Variants in UBE2E3 observed in about 807,000 individuals in gnomAD.
The protein encoded by UBE2E3 is ubiquitin conjugating enzyme E2 E3.
In UBE2E3, 5 loss-of-function variants were observed where a neutral mutation model predicts 23.6. The observed-to-expected ratio is 0.21, with a 90% CI of 0.11 to 0.44. The LOEUF is 0.44. Ranked by LOEUF, UBE2E3 falls within the 20% of genes least tolerant of loss-of-function variation. UBE2E3 has a pLI of 0.99. For synonymous variants in UBE2E3, 78 were observed against 87.5 expected (o/e 0.89, Z 0.60); for missense variants, 81 against 249.8 (o/e 0.32, Z 4.55).
chr2:181,030,207 G>T (rs558570044), intron 3 of UBE2E3, among the ~76,000 whole-genome samples: 46 of 151,942 alleles, frequency 3.0e-4, no homozygotes, highest in Admixed American at 4.6e-4. Flanking sequence ...TCTTCATTGG[G>T]CATTAAATTT....
intron 3 of UBE2E3, among the ~76,000 whole-genome samples, chr2:181,055,364 G>C (rs1483131193): frequency 6.6e-6 from 1 of 151,666 alleles, no homozygotes; most frequent in Non-Finnish European, 1.5e-5. Flanking sequence ...AGAGAGTGTC[G>C]GTCAGTTGCT....
chr2:180,982,948 G>A (rs947494238), intron 2 of UBE2E3, among the ~76,000 whole-genome samples: 5 of 152,044 alleles, frequency 3.3e-5, no homozygotes, highest in Admixed American at 3.3e-4. Flanking sequence ...CTCAACAGCA[G>A]GAGAAACATA....
chr2:181,026,454 A>G (rs890275864), intron 3 of UBE2E3, among the ~76,000 whole-genome samples: 11 of 151,704 alleles, frequency 7.3e-5, no homozygotes, highest in African/African-American at 2.7e-4. Context: ...GTCTGAAGGT[A>G]GAGCAGAGAC....
chr2:181,041,001 G>A (rs913512690), intron 3 of UBE2E3, among the ~76,000 whole-genome samples: 3 of 152,040 alleles, frequency 2.0e-5, no homozygotes, highest in Admixed American at 2.0e-4. Context: ...TGTAATCCCA[G>A]CACTTTGGGA....
At chr2:181,005,173 G>A (rs1427509263) in intron 3 of UBE2E3, among the ~76,000 whole-genome samples, 1 of 152,180 alleles carries the variant, frequency 6.6e-6, no homozygotes, top group African/African-American at 2.4e-5. Flanking sequence ...GTCAGCATCT[G>A]ATTTACCTTT....
intron 3 of UBE2E3, among the ~76,000 whole-genome samples, chr2:181,037,073 G>A (rs1362537114): frequency 2.6e-5 from 4 of 152,178 alleles, no homozygotes; most frequent in Non-Finnish European, 5.9e-5. Flanking sequence ...GGTTCCAGAA[G>A]ATTATGATAG....
intron 4 of UBE2E3, among the ~76,000 whole-genome samples, chr2:181,058,562 T>C (rs1687047983): frequency 6.6e-6 from 1 of 151,776 alleles, no homozygotes; most frequent in South Asian, 2.1e-4. Context: ...TATTATGCTG[T>C]TGTTACAGAG....
chr2:181,033,532 A>G (rs1234225214), intron 3 of UBE2E3, among the ~76,000 whole-genome samples: 1 of 152,020 alleles, frequency 6.6e-6, no homozygotes, highest in Non-Finnish European at 1.5e-5. Context: ...AATTAATTCA[A>G]GATGGATTAA....
At chr2:180,990,580 G>A (rs1378636199) in intron 3 of UBE2E3, among the ~76,000 whole-genome samples, 1 of 152,182 alleles carries the variant, frequency 6.6e-6, no homozygotes, top group Non-Finnish European at 1.5e-5. Flanking sequence ...GAAACCACAG[G>A]AATGACTACC....
At chr2:181,029,062 C>G (rs1481647184) in intron 3 of UBE2E3, among the ~76,000 whole-genome samples, 1 of 151,976 alleles carries the variant, frequency 6.6e-6, no homozygotes, top group African/African-American at 2.4e-5. Flanking sequence ...ATATGGATAA[C>G]TATTTGTTTT....
intron 3 of UBE2E3, among the ~76,000 whole-genome samples, chr2:181,010,327 G>A (rs1344103019): frequency 5.3e-5 from 8 of 152,010 alleles, no homozygotes; most frequent in Non-Finnish European, 8.8e-5. Context: ...GTCATATTCT[G>A]TATTTTCAAT....
intron 3 of UBE2E3, among the ~76,000 whole-genome samples, chr2:181,022,438 G>A (rs1685734290): frequency 6.6e-6 from 1 of 151,710 alleles, no homozygotes; most frequent in Non-Finnish European, 1.5e-5. Flanking sequence ...TGATCTTCTA[G>A]TTAATTATGT....
At chr2:181,034,537 G>T (rs1302741455) in intron 3 of UBE2E3, among the ~76,000 whole-genome samples, 1 of 152,178 alleles carries the variant, frequency 6.6e-6, no homozygotes. Context: ...TGGGGTGGGG[G>T]GAGCGGGGAG....
chr2:181,021,288 T>C (rs900338886), intron 3 of UBE2E3, among the ~76,000 whole-genome samples: 1 of 152,104 alleles, frequency 6.6e-6, no homozygotes, highest in South Asian at 2.1e-4. Flanking sequence ...CATTTTTCTG[T>C]CTTTATCCGA....
intron 3 of UBE2E3, among the ~76,000 whole-genome samples, chr2:181,052,617 C>T (rs1686874187): frequency 6.6e-6 from 1 of 150,940 alleles, no homozygotes; most frequent in African/African-American, 2.4e-5. Context: ...GAACACCTGA[C>T]TTTCACACAT....
At chr2:181,005,407 C>T (rs1158861386) in intron 3 of UBE2E3, among the ~76,000 whole-genome samples, 1 of 152,210 alleles carries the variant, frequency 6.6e-6, no homozygotes, top group South Asian at 2.1e-4. Flanking sequence ...TAGGCCACTG[C>T]TCTATCCCCA....
chr2:181,043,077 C>G (rs1412210768), intron 3 of UBE2E3, among the ~76,000 whole-genome samples: 7 of 152,064 alleles, frequency 4.6e-5, no homozygotes, highest in Admixed American at 4.6e-4. Context: ...AATGAAAGTG[C>G]CATTTAAAAA....
At chr2:181,060,635 T>C (rs757089602) in intron 4 of UBE2E3, 30 bp from the exon 5 acceptor site, 105 of 1,553,440 alleles carry the variant, frequency 6.8e-5, no homozygotes, top group Non-Finnish European at 8.5e-5. Flanking sequence ...GCATTCATTT[T>C]CCTTCTGTTT....
chr2:180,980,487 G>C (rs1480536050), upstream of UBE2E3: 1 of 149,456 alleles, frequency 6.7e-6, no homozygotes, highest in Admixed American at 6.6e-5. This position sits in a 1 kb window ranked among gnomAD's most constrained non-coding sequence, Gnocchi z 5.5. Context: ...GAGCGCGCAC[G>C]GGAGCGCGCG....
Sources: allele counts gnomAD v4.1 joint callset (sites outside exome capture counted in the v4.1 genomes callset), GRCh38; gene constraint gnomAD v4.1.1; non-coding constraint Gnocchi (gnomAD v3.1); transcripts MANE v1.5; gene names NCBI Gene and HGNC (gene_info 2026-07-23, HGNC 2026-07-21).